Variants in PTPN23 observed in about 807,000 individuals in gnomAD.
The protein encoded by PTPN23 is protein tyrosine phosphatase non-receptor type 23.
In PTPN23, 72 loss-of-function variants were observed where a neutral mutation model predicts 156.3. That is an observed-to-expected ratio of 0.46 (90% CI 0.38 to 0.56). PTPN23 has a LOEUF of 0.56. Ranked by LOEUF, PTPN23 falls within the 20% of genes least tolerant of loss-of-function variation. The probability of loss-of-function intolerance (pLI) is 0.00; values close to 1 mark genes in which losing one functional copy is unlikely to be tolerated. For synonymous variants in PTPN23, 957 were observed against 899.6 expected, an observed-to-expected ratio of 1.06 and a Z score of -1.14; for missense variants, 1,974 against 2,171.5, an observed-to-expected ratio of 0.91 and a Z score of 1.81.
intron 1 of PTPN23, among the ~76,000 whole-genome samples, chr3:47,388,674 T>TG (rs1462728931): frequency 6.6e-6 from 1 of 151,148 alleles, no homozygotes; most frequent in Admixed American, 6.6e-5. Flanking sequence ...CTTTTTTTTT[T>TG]TTTTTTTTGA....
chr3:47,412,485 A>C (rs752760620), intron 23 of PTPN23, 29 bp from the exon 24 acceptor site: 1 of 1,612,020 alleles, frequency 6.2e-7, no homozygotes, highest in Admixed American at 1.7e-5. Context: ...GCCCCTGCCC[A>C]GCTGACCTGG....
chr3:47,406,473 G>C lies in PTPN23; in HGVS notation c.628-8G>C, dbSNP rs368487314. On this transcript the variant is annotated splice_region_variant and splice_polypyrimidine_tract_variant and intron_variant, in intron 7 of 24. Transcript: ENST00000265562. The surrounding 1 kb of genome is among the most constrained non-coding windows in gnomAD (Gnocchi z 5.8). Reference sequence around the variant, plus strand: ...TCCCCCACTCATTGGGCCCCACCCTGTTCTCAGGTGGTAGATTACTACAAG... The same window carrying C: ...TCCCCCACTCATTGGGCCCCACCCTCTTCTCAGGTGGTAGATTACTACAAG... 1 of 1,613,982 alleles carries C rather than the reference G, an allele frequency of 6.2e-7. No individual in the cohort carries two copies.
Position 47,413,211 on chromosome 3 carries a change from C to A in PTPN23, c.*26C>A, listed in dbSNP as rs1247519058. 1.9e-6 allele frequency: 3 copies of A among 1,587,568 alleles called. No individual in the cohort carries two copies. Among genetic ancestry groups the A allele is most frequent in the Non-Finnish European group, 1.7e-6 (2 of 1,165,322 alleles). On this transcript the variant is annotated 3_prime_UTR_variant, in exon 25 of 25. Transcript: ENST00000265562. The stretch of plus-strand genomic sequence containing the variant: ...ACAGGTTTTGCCTACCTGGTCCTTA[C>A]ACTACATCATCATCATCTCATGCCC...
chr3:47,384,682 A>G (rs1475719363), intron 1 of PTPN23, among the ~76,000 whole-genome samples: 1 of 152,122 alleles, frequency 6.6e-6, no homozygotes, highest in Non-Finnish European at 1.5e-5. Flanking sequence ...CCATTATGGC[A>G]TAATGTGAAA....
chr3:47,408,345 CCAGTT>C lies in PTPN23; in HGVS notation c.1188_1192del (p.Gln396HisfsTer15). 1 of 1,613,208 alleles carries C rather than the reference CCAGTT, an allele frequency of 6.2e-7. No individual in the cohort carries two copies. The highest frequency in any genetic ancestry group is 8.5e-7 in the Non-Finnish European group (1 of 1,179,416). ...CACCTGGCCCTGTTGCTCCCCACAG[CCAGTT>C]CATGGATTCAATGCAGTTGGATCCC... On this transcript the variant is annotated frameshift_variant and splice_region_variant, in exon 15 of 25. Transcript: ENST00000265562. LOFTEE classifies it high-confidence loss of function.
Position 47,410,413 on chromosome 3 carries a change from A to C in PTPN23, c.2615A>C (p.Glu872Ala). The C allele has an allele frequency of 6.2e-7, 1 of 1,611,998 alleles. No homozygotes were observed. Among genetic ancestry groups the C allele is most frequent in the South Asian group, 1.1e-5 (1 of 90,822 alleles). ...CCACCTCCTCAATTCTCAGGCCCCGAGTTGGCCATGGCGGTTCGGCCAGCC... is the reference window on the plus strand; with the variant it reads ...CCACCTCCTCAATTCTCAGGCCCCGCGTTGGCCATGGCGGTTCGGCCAGCC... ...SAPPPQFSGP[E>A]LAMAVRPATT... The change falls in exon 20 of 25, where the codon GAG becomes GCG. Residue 872 changes from glutamate to alanine, a missense_variant. Glu to Ala is a moderately radical substitution (Grantham distance 107, BLOSUM62 -1). Around this residue, in one of 4 missense-constraint regions of PTPN23, gnomAD observed 731 missense variants for 669.1 expected, o/e 1.09. Coordinates refer to ENST00000265562, the MANE Select transcript of PTPN23 (RefSeq NM_015466.4).
Position 47,406,696 on chromosome 3 carries a change from T to C in PTPN23, c.760-7T>C. Reference sequence around the variant, plus strand: ...AGCAAGTCGTGGCGTCTCTTCTTCTTTCCCAGCTGCACATGGGAAAGCAGG... The same window carrying C: ...AGCAAGTCGTGGCGTCTCTTCTTCTCTCCCAGCTGCACATGGGAAAGCAGG... On this transcript the variant is annotated splice_region_variant and splice_polypyrimidine_tract_variant and intron_variant, in intron 8 of 24. Transcript: ENST00000265562. The surrounding 1 kb of genome is among the most constrained non-coding windows in gnomAD (Gnocchi z 5.8). 6.2e-7 allele frequency: 1 copy of C among 1,613,972 alleles called. No homozygotes were observed. The highest frequency in any genetic ancestry group is 8.5e-7 in the Non-Finnish European group (1 of 1,179,974).
intron 1 of PTPN23, among the ~76,000 whole-genome samples, chr3:47,389,013 T>C (rs1290821016): frequency 6.6e-6 from 1 of 152,086 alleles, no homozygotes; most frequent in East Asian, 1.9e-4. Context: ...TTTGTACTCA[T>C]TAACCATTCC....
At position 47,410,299 on chromosome 3, in the gene PTPN23, T is replaced by G; in HGVS notation, c.2501T>G (p.Val834Gly). The G allele has an allele frequency of 7.5e-6, 12 of 1,605,218 alleles. No homozygotes were observed. Among genetic ancestry groups the G allele is most frequent in the Non-Finnish European group, 1.0e-5 (12 of 1,175,638 alleles). The change falls in exon 20 of 25, where the codon GTG becomes GGG. Residue 834 changes from valine to glycine, a missense_variant. By Grantham distance (109) the Val-to-Gly change is moderately radical (BLOSUM62 -3). This residue lies in a region of PTPN23 where 731 missense variants were observed against 669.1 expected (regional missense o/e 1.09). Coordinates refer to ENST00000265562, the MANE Select transcript of PTPN23 (RefSeq NM_015466.4). ...GCCTACACACCGGAGCTGGGCCTTG[T>G]GCCCCGATCCTCCCCACAGCATGGC... Reference protein sequence around the residue: ...APAYTPELGLVPRSSPQHGVV... With the variant: ...APAYTPELGLGPRSSPQHGVV...
At chr3:47,390,742 A>AAAT (rs1295341581) in intron 1 of PTPN23, among the ~76,000 whole-genome samples, 1 of 152,204 alleles carries the variant, frequency 6.6e-6, no homozygotes, top group Non-Finnish European at 1.5e-5. Flanking sequence ...AACAGGCTGC[A>AAAT]AATAATAATA....
At chr3:47,399,700 C>G (rs1325852212) in intron 2 of PTPN23, among the ~76,000 whole-genome samples, 1 of 152,212 alleles carries the variant, frequency 6.6e-6, no homozygotes, top group East Asian at 1.9e-4. Flanking sequence ...AGCCTTCAGA[C>G]CTGTGCTTTT....
Position 47,407,258 on chromosome 3 carries a change from G to C in PTPN23, c.865-51G>C. 1 of 1,613,594 alleles carries C rather than the reference G, an allele frequency of 6.2e-7. No individual in the cohort carries two copies. Among genetic ancestry groups the C allele is most frequent in the Non-Finnish European group, 8.5e-7 (1 of 1,179,634 alleles). The stretch of plus-strand genomic sequence containing the variant: ...CCGGTAGGACTGAGGGGGTGTCCTG[G>C]TGCCAGCCTTGGTTAGTGCTAAGGC... On this transcript the variant is annotated intron_variant, in intron 10 of 24. Coordinates refer to ENST00000265562, the MANE Select transcript of PTPN23 (RefSeq NM_015466.4). This position sits in a 1 kb window ranked among gnomAD's most constrained non-coding sequence, Gnocchi z 4.0.
chr3:47,410,949 T>C lies in PTPN23; in HGVS notation c.3151T>C (p.Tyr1051His), dbSNP rs1460548569. 1 of 1,596,590 alleles carries C rather than the reference T, an allele frequency of 6.3e-7. No individual in the cohort carries two copies. The highest frequency in any genetic ancestry group is 2.2e-5 in the East Asian group (1 of 44,638). Residue 1051 changes from tyrosine to histidine, a missense_variant, in exon 20 of 25, where the codon TAT becomes CAT. Coordinates refer to ENST00000265562, the MANE Select transcript of PTPN23 (RefSeq NM_015466.4). The part of the protein sequence containing the change: ...PPQPPHPPLA[Y>H]GPAPSTRPMG... Reference sequence around the variant, plus strand: ...TCAGCCTCCCCATCCCCCACTGGCATATGGTCCTGCCCCTTCTACCAGACC... The same window carrying C: ...TCAGCCTCCCCATCCCCCACTGGCACATGGTCCTGCCCCTTCTACCAGACC...
Position 47,410,539 on chromosome 3 carries a change from C to T in PTPN23, c.2741C>T (p.Pro914Leu), listed in dbSNP as rs1414681161. 1.2e-5 allele frequency: 19 copies of T among 1,611,458 alleles called. No individual in the cohort carries two copies. The highest frequency in any genetic ancestry group is 3.3e-5 in the Admixed American group (2 of 59,836). The change falls in exon 20 of 25, where the codon CCA becomes CTA. Residue 914 changes from proline (P) to leucine (L), a missense_variant. Physicochemically the swap from Pro to Leu is moderately conservative, Grantham distance 98. Around this residue, in one of 4 missense-constraint regions of PTPN23, gnomAD observed 731 missense variants for 669.1 expected, o/e 1.09. Transcript: ENST00000265562. ...CCCCCGCCCTGCTTCCCTGTGCCCCCACCGCAGCCACTGCCCACGCCTTAC... is the reference window on the plus strand; with the variant it reads ...CCCCCGCCCTGCTTCCCTGTGCCCCTACCGCAGCCACTGCCCACGCCTTAC... ...APPPPCFPVP[P>L]PQPLPTPYTY...
intron 1 of PTPN23, among the ~76,000 whole-genome samples, chr3:47,383,035 G>A (rs890177163): frequency 2.0e-5 from 3 of 151,432 alleles, no homozygotes; most frequent in Non-Finnish European, 4.4e-5. Context: ...TCTTTTTTTT[G>A]GAGACGGAGT....
chr3:47,411,387 G>C lies in PTPN23; in HGVS notation c.3589G>C (p.Glu1197Gln). 6.2e-7 allele frequency: 1 copy of C among 1,613,040 alleles called. No individual in the cohort carries two copies. Residue 1197 changes from glutamate (E) to glutamine (Q), a missense_variant, in exon 20 of 25, where the codon GAG (glutamate) becomes CAG (glutamine). Glu to Gln is a conservative substitution (Grantham distance 29). This residue lies in a region of PTPN23 where 731 missense variants were observed against 669.1 expected (regional missense o/e 1.09). Coordinates refer to ENST00000265562, the MANE Select transcript of PTPN23 (RefSeq NM_015466.4). The surrounding 1 kb of genome is among the most constrained non-coding windows in gnomAD (Gnocchi z 6.3). ...GGGAGCTCTGGACACTGTCTGGCGA[G>C]AGCTGCAAGATGCGCAGGAACATGA... ...DVGALDTVWR[E>Q]LQDAQEHDAR...
chr3:47,408,710 G>T lies in PTPN23; in HGVS notation c.1331-66G>T. The stretch of plus-strand genomic sequence containing the variant: ...CCTGAGGGGGCGGTTCTGTCTCTTG[G>T]GGGAGGGGCCCATGGGTGCCCGGTC... On this transcript the variant is annotated intron_variant, in intron 15 of 24. Coordinates refer to ENST00000265562, the MANE Select transcript of PTPN23 (RefSeq NM_015466.4). 3 of 1,529,882 alleles carry T rather than the reference G, an allele frequency of 2.0e-6. No homozygotes were observed. The South Asian group carries it at 3.8e-5, about 20-fold the overall frequency. The allele number at this position is 1,529,882 out of a possible 1,614,324, so 94.8% of individuals were successfully genotyped here.
At chr3:47,397,032 G>A (rs1704892955) in intron 2 of PTPN23, among the ~76,000 whole-genome samples, 2 of 152,174 alleles carry the variant, frequency 1.3e-5, no homozygotes, top group East Asian at 1.9e-4. Context: ...CAATATTATT[G>A]TGTCTCAGGG....
intron 2 of PTPN23, among the ~76,000 whole-genome samples, chr3:47,404,291 G>T (rs1259038039): frequency 6.6e-6 from 1 of 152,120 alleles, no homozygotes; most frequent in Non-Finnish European, 1.5e-5. Context: ...AATTAGCCAG[G>T]CATGGTGGCG....
Sources: gnomAD v4.1 joint callset for allele counts (sites outside exome capture counted in the v4.1 genomes callset) on GRCh38, gnomAD v4.1.1 for gene constraint, gnomAD v4.1.1 regional missense constraint, Gnocchi (gnomAD v3.1) non-coding constraint, MANE v1.5 for transcripts, NCBI Gene and HGNC (gene_info 2026-07-23, HGNC 2026-07-21) for gene names.